The following MYO16 variants were observed in gnomAD, a reference collection of about 807,000 sequenced individuals.
MYO16 encodes the protein unconventional myosin-XVI.
MYO16 carries 94 observed loss-of-function variants against 205.3 expected under a neutral mutation model. The ratio of observed to expected loss-of-function variants is 0.46; its 90% CI spans 0.39 to 0.54. The LOEUF is 0.54. Among genes scored for constraint, MYO16 ranks in the 20% least tolerant of loss-of-function variants. The probability of loss-of-function intolerance (pLI) is 0.00; values close to 1 mark genes in which losing one functional copy is unlikely to be tolerated. For missense variants in MYO16, 2,315 were observed against 2,387.5 expected, an observed-to-expected ratio of 0.97 and a Z score of 0.63; for synonymous variants, 988 against 954.0, an observed-to-expected ratio of 1.04 and a Z score of -0.66.
chr13:108,887,566 T>G (rs957320152), intron 13 of MYO16, among the ~76,000 whole-genome samples: 1 of 152,176 alleles, frequency 6.6e-6, no homozygotes, highest in Admixed American at 6.6e-5. Flanking sequence ...ATATTTACCA[T>G]TTTTAAAAAT....
At chr13:108,657,087 A>G (rs553801435) in intron 1 of MYO16, among the ~76,000 whole-genome samples, 1 of 152,352 alleles carries the variant, frequency 6.6e-6, no homozygotes, top group Admixed American at 6.5e-5. Context: ...GTCTTAATGA[A>G]CCACATAATT....
intron 4 of MYO16, among the ~76,000 whole-genome samples, chr13:108,782,300 A>G (rs1234133843): frequency 6.6e-6 from 1 of 152,206 alleles, no homozygotes; most frequent in African/African-American, 2.4e-5. Context: ...GTTTTAGCAA[A>G]GAGACTGGTG....
intron 31 of MYO16, among the ~76,000 whole-genome samples, chr13:109,130,058 G>A (rs1876457043): frequency 6.7e-6 from 1 of 149,198 alleles, no homozygotes; most frequent in Non-Finnish European, 1.5e-5. Flanking sequence ...ACACACATAT[G>A]TATATATCTA....
At chr13:108,643,834 G>A (rs1259593230) in intron 1 of MYO16, among the ~76,000 whole-genome samples, 1 of 152,176 alleles carries the variant, frequency 6.6e-6, no homozygotes, top group Non-Finnish European at 1.5e-5. Context: ...AAATACTTAG[G>A]ACTGGGATTT....
chr13:108,997,422 AAAGG>A (rs1885065546), intron 21 of MYO16, among the ~76,000 whole-genome samples: 1 of 139,382 alleles, frequency 7.2e-6, no homozygotes. Context: ...AAAGGAAAGG[AAAGG>A]AAAGGAAAGG....
intron 17 of MYO16, among the ~76,000 whole-genome samples, chr13:108,958,243 TATA>T (rs1284391508): frequency 6.8e-6 from 1 of 147,808 alleles, no homozygotes; most frequent in Non-Finnish European, 1.5e-5. Context: ...TTTAAATATA[TATA>T]ATATTCAACA....
At chr13:109,144,335 G>A (rs934765295) in intron 32 of MYO16, among the ~76,000 whole-genome samples, 1 of 152,114 alleles carries the variant, frequency 6.6e-6, no homozygotes, top group Non-Finnish European at 1.5e-5. Context: ...TTCTTTATGG[G>A]CTGTGATGAG....
chr13:109,020,243 G>A (rs1885975890), intron 23 of MYO16, among the ~76,000 whole-genome samples: 1 of 152,062 alleles, frequency 6.6e-6, no homozygotes, highest in South Asian at 2.1e-4. Flanking sequence ...GGACATCTGA[G>A]TTTTCTTGCC....
At chr13:108,893,910 A>G (rs975169531) in intron 14 of MYO16, among the ~76,000 whole-genome samples, 2 of 152,184 alleles carry the variant, frequency 1.3e-5, no homozygotes, top group Non-Finnish European at 2.9e-5. Flanking sequence ...AAAGAATGAT[A>G]GAGAAAGAAA....
At chr13:108,834,401 G>T (rs953126559) in intron 9 of MYO16, among the ~76,000 whole-genome samples, 1 of 152,136 alleles carries the variant, frequency 6.6e-6, no homozygotes, top group African/African-American at 2.4e-5. Context: ...TGTAAAACTG[G>T]CCAGAGGCTG....
intron 4 of MYO16, among the ~76,000 whole-genome samples, chr13:108,746,542 A>C (rs1362245978): frequency 7.1e-6 from 1 of 140,558 alleles, no homozygotes; most frequent in Non-Finnish European, 1.6e-5. Context: ...TGTTTCTAGC[A>C]TAAAGAAAAG....
intron 3 of MYO16, 103 bp downstream of exon 3, chr13:108,712,834 C>A: frequency 2.5e-6 from 2 of 809,384 alleles, no homozygotes; most frequent in South Asian, 2.1e-5. Flanking sequence ...AGATGATGAT[C>A]AGAAAGATGA....
the MYO16 span, among the ~76,000 whole-genome samples, chr13:108,534,511 C>T: frequency 2.6e-5 from 4 of 151,946 alleles, no homozygotes; most frequent in Admixed American, 2.6e-4. Context: ...CCTGAATGTC[C>T]ACACATAAGA....
intron 33 of MYO16, among the ~76,000 whole-genome samples, chr13:109,168,543 G>A (rs1056168496): frequency 1.3e-5 from 2 of 152,130 alleles, no homozygotes; most frequent in Non-Finnish European, 2.9e-5. Flanking sequence ...GGCCAACATG[G>A]TGAAACCCCC....
chr13:109,051,424 GT>G (rs1482434477), intron 24 of MYO16, among the ~76,000 whole-genome samples: 1 of 152,068 alleles, frequency 6.6e-6, no homozygotes, highest in Non-Finnish European at 1.5e-5. Context: ...AGTGATTTAT[GT>G]TCATTATTTC....
At chr13:108,792,066 T>A (rs1350102765) in intron 5 of MYO16, among the ~76,000 whole-genome samples, 1 of 152,140 alleles carries the variant, frequency 6.6e-6, no homozygotes, top group Non-Finnish European at 1.5e-5. Context: ...CCTTAGTAAA[T>A]ACATATTTTG....
intron 1 of MYO16, among the ~76,000 whole-genome samples, chr13:108,650,813 A>G (rs1880966931): frequency 6.6e-6 from 1 of 152,118 alleles, no homozygotes; most frequent in South Asian, 2.1e-4. Flanking sequence ...GCATTTAGGA[A>G]AAGACAGGTT....
At chr13:109,175,875 C>T (rs761978576) in intron 33 of MYO16, among the ~76,000 whole-genome samples, 2 of 152,010 alleles carry the variant, frequency 1.3e-5, no homozygotes, top group Non-Finnish European at 2.9e-5. Flanking sequence ...TCTCTACCCA[C>T]GCAGGACTGT....
At chr13:109,058,153 A>G (rs1482780242) in intron 27 of MYO16, among the ~76,000 whole-genome samples, 1 of 152,120 alleles carries the variant, frequency 6.6e-6, no homozygotes, top group African/African-American at 2.4e-5. Context: ...TGCCATGTGA[A>G]CGGCACTTTG....
Sources: gnomAD v4.1 joint callset for allele counts (sites outside exome capture counted in the v4.1 genomes callset) on GRCh38, gnomAD v4.1.1 for gene constraint, MANE v1.5 for transcripts, NCBI Gene and HGNC (gene_info 2026-07-23, HGNC 2026-07-21) for gene names.